The following ZBED4 variants were observed in gnomAD, a reference collection of about 807,000 sequenced individuals.
ZBED4 encodes zinc finger BED-type containing 4.
In ZBED4, 4 loss-of-function variants were observed where a neutral mutation model predicts 15.5. That is an observed-to-expected ratio of 0.26 (90% CI 0.13 to 0.59). ZBED4 has a LOEUF of 0.59. Among genes scored for constraint, ZBED4 ranks in the 20% least tolerant of loss-of-function variants. The pLI is 0.90. For missense variants in ZBED4, 1,323 were observed against 1,461.8 expected (o/e 0.91, Z 1.55); for synonymous variants, 692 against 608.5 (o/e 1.14, Z -2.02).
At position 49,885,281 on chromosome 22, in the gene ZBED4, A is replaced by G; in HGVS notation, c.1619A>G (p.Asp540Gly). The change falls in exon 2 of 2, where the codon GAC (aspartate) becomes GGC (glycine). Residue 540 changes from aspartate to glycine, a missense_variant. By Grantham distance (94) the Asp-to-Gly change is moderately conservative. Around this residue, in one of 6 missense-constraint regions of ZBED4, gnomAD observed 429 missense variants for 397.9 expected, o/e 1.08. Transcript: ENST00000216268. ...SAESSSSKLT[D>G]LPTVVTKNNQ... The stretch of plus-strand genomic sequence containing the variant: ...GAAAGTTCCTCTTCCAAATTGACTG[A>G]CTTGCCAACAGTGGTCACAAAAAAC... 6.3e-7 allele frequency: 1 copy of G among 1,596,436 alleles called. No homozygotes were observed. Among genetic ancestry groups the G allele is most frequent in the Non-Finnish European group, 8.6e-7 (1 of 1,169,070 alleles).
chr22:49,888,313 G>A lies in ZBED4; in HGVS notation c.*1135G>A, dbSNP rs527259610. 1 of 166,730 alleles carries A rather than the reference G, an allele frequency of 6.0e-6. No individual in the cohort carries two copies. Among genetic ancestry groups the A allele is most frequent in the Non-Finnish European group, 1.5e-5 (1 of 68,104 alleles). The allele number at this position is 166,730 out of a possible 1,614,324, so 10.3% of individuals were successfully genotyped here. On this transcript the variant is annotated 3_prime_UTR_variant, in exon 2 of 2. Coordinates refer to ENST00000216268, the MANE Select transcript of ZBED4 (RefSeq NM_014838.3). ...TGAGACTAATCACTCATTTGCCTAC[G>A]ACCTTTTAGAAAAGTTGTTTTGTTG...
intron 1 of ZBED4, 98 bp downstream of exon 1, chr22:49,854,087 C>CGCCGGG (rs2060264080): frequency 6.9e-6 from 1 of 144,588 alleles, no homozygotes; most frequent in Admixed American, 6.8e-5. Flanking sequence ...GTCTGCGCCG[C>CGCCGGG]GCCGGGGCCA....
At chr22:49,863,057 A>G (rs1191604910) in intron 1 of ZBED4, among the ~76,000 whole-genome samples, 1 of 151,868 alleles carries the variant, frequency 6.6e-6, no homozygotes, top group Admixed American at 6.6e-5. Context: ...CCGTGGAAGT[A>G]TTTTCTGAGG....
At chr22:49,854,407 C>T (rs561836634) in intron 1 of ZBED4, among the ~76,000 whole-genome samples, 3 of 152,126 alleles carry the variant, frequency 2.0e-5, no homozygotes, top group East Asian at 1.9e-4. Context: ...TCATTCCCGT[C>T]CCACCTCCAG....
chr22:49,869,072 G>A (rs369418406), intron 1 of ZBED4, among the ~76,000 whole-genome samples: 3 of 149,264 alleles, frequency 2.0e-5, no homozygotes, highest in African/African-American at 5.0e-5. Flanking sequence ...TGGGTGAGTC[G>A]AGATCATGCC....
At position 49,883,891 on chromosome 22, in the gene ZBED4, G is replaced by T. The variant is rs2060422519; in HGVS notation, c.229G>T (p.Ala77Ser). The stretch of plus-strand genomic sequence containing the variant: ...CAAGCCCCCGGGGAAGTACTTGTCT[G>T]CAGAGAGTGAGGATGACTATGGCGC... ...SCKPPGKYLS[A>S]ESEDDYGALF... Residue 77 changes from alanine (A) to serine (S), a missense_variant, in exon 2 of 2, where the codon GCA (alanine) becomes TCA (serine). Around this residue, in one of 6 missense-constraint regions of ZBED4, gnomAD observed 380 missense variants for 413.7 expected, o/e 0.92. Coordinates refer to ENST00000216268, the MANE Select transcript of ZBED4 (RefSeq NM_014838.3). 1 of 1,607,304 alleles carries T rather than the reference G, an allele frequency of 6.2e-7. No individual in the cohort carries two copies. Among genetic ancestry groups the T allele is most frequent in the Non-Finnish European group, 8.5e-7 (1 of 1,175,096 alleles).
Position 49,887,130 on chromosome 22 carries a change from A to G in ZBED4, c.3468A>G (p.Lys1156=). The G allele has an allele frequency of 6.2e-7, 1 of 1,612,846 alleles. No individual in the cohort carries two copies. Among genetic ancestry groups the G allele is most frequent in the Non-Finnish European group, 8.5e-7 (1 of 1,179,646 alleles). Residue 1156 remains lysine, a synonymous_variant, in exon 2 of 2, where the codon AAA becomes AAG. Coordinates refer to ENST00000216268, the MANE Select transcript of ZBED4 (RefSeq NM_014838.3). The stretch of plus-strand genomic sequence containing the variant: ...GGCTCATGATGGAACATTTTGAAAA[A>G]CTTATCTTTTTGAAAGTGAATCTTC... ...QSRLMMEHFE[K]LIFLKVNLPL...
At chr22:49,879,882 AGTGTCTGGGCCTGTTTCTATTGGTTGG>A in intron 1 of ZBED4, among the ~76,000 whole-genome samples, 2 of 79,692 alleles carry the variant, frequency 2.5e-5, no homozygotes, top group African/African-American at 8.5e-5. Context: ...TCTCCTGGTC[AGTGTCTGGGCCTGTTTCTATTGGTTGG>A]TTTTTCTCCT....
chr22:49,855,886 A>G (rs966748193), intron 1 of ZBED4, among the ~76,000 whole-genome samples: 9 of 152,206 alleles, frequency 5.9e-5, no homozygotes, highest in Middle Eastern at 3.2e-3. Flanking sequence ...GAATGTACCT[A>G]TAGGAATTGC....
At chr22:49,879,408 T>G (rs947672156) in intron 1 of ZBED4, among the ~76,000 whole-genome samples, 7 of 151,982 alleles carry the variant, frequency 4.6e-5, no homozygotes, top group Admixed American at 4.6e-4. Context: ...ATTACAGGTG[T>G]GAGCCACCAA....
In ZBED4 at chr22:49,885,614, C is replaced by G; in HGVS notation, c.1952C>G (p.Ser651Cys). ...GACACCAATGAGAAGTTTTACGATT[C>G]TCACCCAGTTGCCAAAAAAATCACA... is the stretch of plus-strand genomic sequence containing the variant. ...FDDTNEKFYDSHPVAKKITSL... is the reference protein window; with the variant it reads ...FDDTNEKFYDCHPVAKKITSL... Residue 651 changes from serine (S) to cysteine (C), a missense_variant, in exon 2 of 2, where the codon TCT (serine) becomes TGT (cysteine). Physicochemically the swap from Ser to Cys is moderately radical, Grantham distance 112. Around this residue, in one of 6 missense-constraint regions of ZBED4, gnomAD observed 89 missense variants for 129.8 expected, o/e 0.69. Coordinates refer to ENST00000216268, the MANE Select transcript of ZBED4 (RefSeq NM_014838.3). 1 of 1,611,104 alleles carries G rather than the reference C, an allele frequency of 6.2e-7. No homozygotes were observed. The highest frequency in any genetic ancestry group is 8.5e-7 in the Non-Finnish European group (1 of 1,177,714).
In ZBED4 at chr22:49,885,339, G is replaced by A; in HGVS notation, c.1677G>A (p.Lys559=). The A allele has an allele frequency of 6.3e-7, 1 of 1,590,344 alleles. No individual in the cohort carries two copies. The highest frequency in any genetic ancestry group is 1.4e-5 in the African/African-American group (1 of 73,988). The change falls in exon 2 of 2, where the codon AAG becomes AAA. Residue 559 remains lysine (K), a synonymous_variant. Transcript: ENST00000216268. ...TTATGTTTCCTGTTAATAGCAAAAA[G>A]ACCTCGAAGCTGTGGAATCATTTTT... ...NQVMFPVNSK[K]TSKLWNHFSI... is the part of the protein sequence containing the mutation.
chr22:49,884,346 T>C lies in ZBED4; in HGVS notation c.684T>C (p.Ser228=). 1 of 1,613,410 alleles carries C rather than the reference T, an allele frequency of 6.2e-7. No homozygotes were observed. Among genetic ancestry groups the C allele is most frequent in the South Asian group, 1.1e-5 (1 of 91,014 alleles). ...ATCGAATAACAGAGGAGTCTGTGTCTGTAGTTTCTTCTGAAGAAATCTCCT... is the reference window on the plus strand; with the variant it reads ...ATCGAATAACAGAGGAGTCTGTGTCCGTAGTTTCTTCTGAAGAAATCTCCT... ...SPDRITEESV[S]VVSSEEISSD... is the part of the protein sequence containing the mutation. Residue 228 remains serine (S), a synonymous_variant, in exon 2 of 2, where the codon TCT becomes TCC. Coordinates refer to ENST00000216268, the MANE Select transcript of ZBED4 (RefSeq NM_014838.3).
At chr22:49,870,810 T>C (rs1245593709) in intron 1 of ZBED4, among the ~76,000 whole-genome samples, 1 of 152,198 alleles carries the variant, frequency 6.6e-6, no homozygotes, top group Admixed American at 6.5e-5. Flanking sequence ...TAGTTTCAGC[T>C]ATGCAGAGGC....
At position 49,887,283 on chromosome 22, in the gene ZBED4, C is replaced by A; in HGVS notation, c.*105C>A. ...CCCACGGCTGTGTACGACATCAGAC[C>A]AGGCACTCTCAGGGCCGCTCTCCAG... is the stretch of plus-strand genomic sequence containing the variant. On this transcript the variant is annotated 3_prime_UTR_variant, in exon 2 of 2. Coordinates refer to ENST00000216268, the MANE Select transcript of ZBED4 (RefSeq NM_014838.3). 1.7e-6 allele frequency: 2 copies of A among 1,202,526 alleles called. No individual in the cohort carries two copies. Among genetic ancestry groups the A allele is most frequent in the Non-Finnish European group, 2.3e-6 (2 of 859,044 alleles). The allele number at this position is 1,202,526 out of a possible 1,614,324, so 74.5% of individuals were successfully genotyped here. A position where few individuals can be genotyped will look rare whatever the true frequency, so the allele number is the denominator to read the frequency against.
At chr22:49,875,709 C>T (rs1387484591) in intron 1 of ZBED4, among the ~76,000 whole-genome samples, 2 of 151,830 alleles carry the variant, frequency 1.3e-5, no homozygotes, top group Admixed American at 1.3e-4. Context: ...GCGTGAGTCA[C>T]CCCGCCCAGC....
rs560060247 is a variant in ZBED4 at position 49,879,370 on chromosome 22, G to A, written c.-329-3964G>A. Among the ~76,000 whole-genome samples the A allele has an allele frequency of 3.1e-4, 47 of 151,744 alleles. No homozygotes were observed. In the South Asian group the frequency reaches 6.9e-3, roughly 22 times the overall value. On this transcript the variant is annotated intron_variant, in intron 1 of 1. Coordinates refer to ENST00000216268, the MANE Select transcript of ZBED4 (RefSeq NM_014838.3). ...TCAACCTCCTGAGCTCGGTTGATCCGTCTGCCTCATCCTCCCGAAGTGCTG... is the reference window on the plus strand; with the variant it reads ...TCAACCTCCTGAGCTCGGTTGATCCATCTGCCTCATCCTCCCGAAGTGCTG...
chr22:49,864,803 G>C lies in ZBED4; in HGVS notation c.-330+10814G>C, dbSNP rs183690353. 2.6e-3 allele frequency among the ~76,000 whole-genome samples: 317 copies of C among 122,666 alleles called. 7 individuals are homozygous for C. The highest frequency in any genetic ancestry group is 9.9e-3 in the African/African-American group (303 of 30,692). The allele number at this position is 122,666 out of a possible 152,430, so 80.5% of individuals were successfully genotyped here. On this transcript the variant is annotated intron_variant, in intron 1 of 1. Coordinates refer to ENST00000216268, the MANE Select transcript of ZBED4 (RefSeq NM_014838.3). ...GTACTGCACTCCAGCCTGAGCGCCA[G>C]AGTGAGACCCTGTCTCCAAAAAAAA...
intron 1 of ZBED4, among the ~76,000 whole-genome samples, chr22:49,876,926 A>AT (rs1439576862): frequency 6.6e-6 from 1 of 152,242 alleles, no homozygotes; most frequent in Admixed American, 6.5e-5. Context: ...CTGGCCAAAG[A>AT]TTCCTTTGAT....
Sources: allele counts gnomAD v4.1 joint callset (sites outside exome capture counted in the v4.1 genomes callset), GRCh38; gene constraint gnomAD v4.1.1; regional missense constraint gnomAD v4.1.1; transcripts MANE v1.5; gene names NCBI Gene and HGNC (gene_info 2026-07-23, HGNC 2026-07-21).